The following NRN1 variants were observed in gnomAD, a reference collection of about 807,000 sequenced individuals.
NRN1 encodes the protein neuritin.
In NRN1, 4 loss-of-function variants were observed where a neutral mutation model predicts 15.0. The observed-to-expected ratio is 0.27, with a 90% CI of 0.13 to 0.61. The LOEUF (loss-of-function observed/expected upper bound fraction) is 0.61, where lower values mean the gene tolerates loss of function less well. NRN1 is among the 20% of genes least tolerant of loss of function. NRN1 has a pLI of 0.87. For synonymous variants in NRN1, 85 were observed against 79.8 expected (o/e 1.07, Z -0.35); for missense variants, 134 against 181.9 (o/e 0.74, Z 1.51).
chr6:6,000,945 C>T (rs943217089), intron 2 of NRN1, among the ~76,000 whole-genome samples: 3 of 151,920 alleles, frequency 2.0e-5, no homozygotes, highest in Admixed American at 2.0e-4. Context: ...TGAAGTTCTG[C>T]TTAAAATTAA....
At position 5,998,786 on chromosome 6, in the gene NRN1, C is replaced by T. The variant is rs1757840324; in HGVS notation, c.*190G>A. On this transcript the variant is annotated 3_prime_UTR_variant, in exon 3 of 3. Transcript: ENST00000244766. ...TGCTTGCTTGCTCACTGATTGGTAACATTTGGCAAATAAAACACAAGAAAT... is the reference window on the plus strand; with the variant it reads ...TGCTTGCTTGCTCACTGATTGGTAATATTTGGCAAATAAAACACAAGAAAT... 3 of 600,292 alleles carry T rather than the reference C, an allele frequency of 5.0e-6. No homozygotes were observed. The highest frequency in any genetic ancestry group is 2.8e-5 in the East Asian group (1 of 36,046). 37.2% of individuals were successfully genotyped at this position (600,292 alleles called of 1,614,324 possible). A position where few individuals can be genotyped will look rare whatever the true frequency, so the allele number is the denominator to read the frequency against.
intron 2 of NRN1, among the ~76,000 whole-genome samples, chr6:6,001,553 A>G (rs114396677): frequency 0.017 from 2,656 of 152,002 alleles, 23 homozygotes; most frequent in Non-Finnish European, 0.026. Context: ...ATGAACTACT[A>G]CCCATCTCTC....
chr6:6,001,469 CT>C (rs1311794141), intron 2 of NRN1, among the ~76,000 whole-genome samples: 1 of 152,200 alleles, frequency 6.6e-6, no homozygotes, highest in Non-Finnish European at 1.5e-5. Flanking sequence ...CAGTAGGGCT[CT>C]GCTGGTTACC....
At chr6:6,006,050 T>C (rs1439439267) in intron 1 of NRN1, among the ~76,000 whole-genome samples, 4 of 152,254 alleles carry the variant, frequency 2.6e-5, no homozygotes, top group Non-Finnish European at 4.4e-5. Flanking sequence ...CAAATGCATC[T>C]AGAAAAGTAT....
At chr6:6,002,975 G>C (rs1466945387) in intron 1 of NRN1, 1 of 400,432 alleles carries the variant, frequency 2.5e-6, no homozygotes, top group Admixed American at 4.3e-5. Context: ...GGGCGAGAAC[G>C]GGGTGGGGAG....
At chr6:6,004,723 G>T (rs1419669500) in intron 1 of NRN1, among the ~76,000 whole-genome samples, 1 of 152,194 alleles carries the variant, frequency 6.6e-6, no homozygotes, top group Non-Finnish European at 1.5e-5. Context: ...GTCGCAGCCC[G>T]TGGGTCCCTC....
chr6:5,999,272 C>A (rs112528697), intron 2 of NRN1, 68 bp from the exon 3 acceptor site: 7 of 1,360,774 alleles, frequency 5.1e-6, no homozygotes, highest in Non-Finnish European at 7.2e-6. Flanking sequence ...CCCGGGCTTG[C>A]GCCCCTGCGC....
intron 2 of NRN1, among the ~76,000 whole-genome samples, 174 bp from the exon 3 acceptor site, chr6:5,999,378 G>C (rs1757868480): frequency 1.3e-5 from 2 of 152,218 alleles, no homozygotes; most frequent in South Asian, 4.1e-4. Flanking sequence ...CGGGACTCGC[G>C]GGACCTCCGC....
At chr6:6,001,678 T>G (rs909067974) in intron 2 of NRN1, among the ~76,000 whole-genome samples, 1 of 152,170 alleles carries the variant, frequency 6.6e-6, no homozygotes, top group African/African-American at 2.4e-5. Flanking sequence ...TCAAAGCGAC[T>G]ATCACTGGAC....
At chr6:5,999,335 C>G (rs1346868549) in intron 2 of NRN1, 131 bp from the exon 3 acceptor site, 1 of 710,846 alleles carries the variant, frequency 1.4e-6, no homozygotes, top group Non-Finnish European at 2.4e-6. Context: ...CCTACCTTCT[C>G]TTCACCGCCC....
intron 2 of NRN1, among the ~76,000 whole-genome samples, chr6:5,999,708 A>T (rs1389196310): frequency 6.6e-6 from 1 of 150,700 alleles, no homozygotes; most frequent in African/African-American, 2.4e-5. Flanking sequence ...CTCCTTCTCC[A>T]CGCCGCGGTA....
chr6:6,003,323 T>C (rs1352449609), intron 1 of NRN1: 2 of 1,112,568 alleles, frequency 1.8e-6, no homozygotes, highest in Non-Finnish European at 2.3e-6. Context: ...TGAGTCTGCC[T>C]GGGTCACCTC....
chr6:6,006,398 A>G (rs1344876625), intron 1 of NRN1, among the ~76,000 whole-genome samples: 2 of 152,248 alleles, frequency 1.3e-5, no homozygotes, highest in African/African-American at 4.8e-5. Context: ...CAAACCTGGT[A>G]TAAACCCAGA....
chr6:6,004,674 C>A (rs1221296961), intron 1 of NRN1, among the ~76,000 whole-genome samples: 3 of 152,182 alleles, frequency 2.0e-5, no homozygotes, highest in Admixed American at 6.5e-5. Context: ...CGGGAGGCTG[C>A]GCGCGGGACG....
At chr6:6,005,024 T>C (rs1001337807) in intron 1 of NRN1, among the ~76,000 whole-genome samples, 6 of 152,010 alleles carry the variant, frequency 3.9e-5, no homozygotes, top group African/African-American at 1.4e-4. Context: ...GGGCAGACAT[T>C]AGGGAACAAA....
intron 1 of NRN1, among the ~76,000 whole-genome samples, chr6:6,004,994 C>T (rs530561917): frequency 6.6e-6 from 1 of 151,894 alleles, no homozygotes; most frequent in Admixed American, 6.6e-5. Flanking sequence ...TAATAAAGAC[C>T]GAGGTTCTGT....
intron 2 of NRN1, among the ~76,000 whole-genome samples, chr6:5,999,791 CCTTT>C (rs1757888059): frequency 6.6e-6 from 1 of 152,142 alleles, no homozygotes; most frequent in African/African-American, 2.4e-5. Flanking sequence ...CCTGAATTTC[CCTTT>C]CTTTCTTTTT....
At chr6:6,003,166 T>A (rs1485560113) in intron 1 of NRN1, 1 of 1,231,272 alleles carries the variant, frequency 8.1e-7, no homozygotes, top group Non-Finnish European at 1.0e-6. Flanking sequence ...ACCGATTGCC[T>A]ACCGTGGACT....
intron 2 of NRN1, among the ~76,000 whole-genome samples, chr6:6,000,754 C>CTTTTTTTTTTTT (rs1561902807): frequency 1.8e-4 from 15 of 83,748 alleles, no homozygotes; most frequent in South Asian, 8.4e-4. Flanking sequence ...TTTTTATGTA[C>CTTTTTTTTTTTT]GCCCAGATGA....
Sources: gnomAD v4.1 joint callset for allele counts (sites outside exome capture counted in the v4.1 genomes callset) on GRCh38, gnomAD v4.1.1 for gene constraint, MANE v1.5 for transcripts, NCBI Gene and HGNC (gene_info 2026-07-23, HGNC 2026-07-21) for gene names.